FNDC1: variants seen among roughly 807,000 people sequenced by gnomAD.
FNDC1 encodes the protein fibronectin type III domain containing 1.
FNDC1 carries 96 observed loss-of-function variants against 168.0 expected under a neutral mutation model. The observed-to-expected ratio is 0.57, with a 90% CI of 0.48 to 0.68. FNDC1 has a LOEUF of 0.68. Among genes scored for constraint, FNDC1 ranks in the 30% least tolerant of loss-of-function variants. The pLI, the probability that FNDC1 is intolerant of heterozygous loss-of-function variation, is 0.00. For missense variants in FNDC1, 2,587 were observed against 2,482.1 expected (o/e 1.04, Z -0.90); for synonymous variants, 1,099 against 1,025.9 (o/e 1.07, Z -1.36).
At chr6:159,266,060 G>A (rs768375166) in intron 20 of FNDC1, 24 bp from the exon 21 acceptor site, 20 of 1,612,052 alleles carry the variant, frequency 1.2e-5, no homozygotes, top group African/African-American at 4.0e-5. Context: ...CTTACCCTTA[G>A]CAGGTGTGTT....
chr6:159,234,688 A>G (rs1409981405), intron 11 of FNDC1, among the ~76,000 whole-genome samples: 2 of 152,258 alleles, frequency 1.3e-5, no homozygotes, highest in Non-Finnish European at 2.9e-5. Context: ...GCTGCGGCTC[A>G]GGATCTGAGG....
rs1166366160 is a variant in FNDC1, at chr6:159,269,252, TCTATC to T, written c.5569+1327_5569+1331del. Among the ~76,000 whole-genome samples the T allele has an allele frequency of 2.7e-3, 321 of 118,734 alleles. 8 individuals carry two copies. Among genetic ancestry groups the T allele is most frequent in the African/African-American group, 0.01 (253 of 24,288 alleles). The allele number at this position is 118,734 out of a possible 152,430, so 77.9% of individuals were successfully genotyped here. A position where few individuals can be genotyped will look rare whatever the true frequency, so the allele number is the denominator to read the frequency against. On this transcript the variant is annotated intron_variant, in intron 22 of 22. Coordinates refer to ENST00000297267, the MANE Select transcript of FNDC1 (RefSeq NM_032532.3). Reference sequence around the variant, plus strand: ...ATCTATCTATCTATCTATCTATCCATCTATCATCTATCTATCTATCTATCTATCTA... The same window carrying T: ...ATCTATCTATCTATCTATCTATCCATATCTATCTATCTATCTATCTATCTA...
intron 4 of FNDC1, among the ~76,000 whole-genome samples, chr6:159,211,145 AT>A (rs1393623223): frequency 6.6e-6 from 1 of 152,168 alleles, no homozygotes; most frequent in African/African-American, 2.4e-5. Flanking sequence ...TAAGGTGGGT[AT>A]TTGAAGGCCT....
At chr6:159,186,809 T>C (rs1323097498) in intron 1 of FNDC1, among the ~76,000 whole-genome samples, 1 of 152,244 alleles carries the variant, frequency 6.6e-6, no homozygotes, top group East Asian at 1.9e-4. Context: ...TGGCCAATGT[T>C]TCCCCTTTGG....
At chr6:159,187,063 G>T (rs567553297) in intron 1 of FNDC1, among the ~76,000 whole-genome samples, 7 of 152,212 alleles carry the variant, frequency 4.6e-5, no homozygotes, top group Non-Finnish European at 1.0e-4. Flanking sequence ...CAGGAGTGCC[G>T]CTGGCTCCTC....
intron 5 of FNDC1, among the ~76,000 whole-genome samples, chr6:159,217,202 G>A (rs1368898265): frequency 6.6e-6 from 1 of 152,256 alleles, no homozygotes; most frequent in Non-Finnish European, 1.5e-5. Context: ...TAAAGGAGGA[G>A]AGGGGAGAGT....
intron 1 of FNDC1, among the ~76,000 whole-genome samples, chr6:159,181,569 C>T (rs372485992): frequency 6.6e-6 from 1 of 152,200 alleles, no homozygotes; most frequent in Admixed American, 6.5e-5. Context: ...ATAGGATCAT[C>T]TTGGACTTTC....
intron 12 of FNDC1, 146 bp downstream of exon 12, chr6:159,236,461 T>C: frequency 1.7e-6 from 1 of 603,536 alleles, no homozygotes; most frequent in Non-Finnish European, 2.9e-6. Flanking sequence ...GTATAGAGTT[T>C]ATTTTAATAC....
intron 4 of FNDC1, among the ~76,000 whole-genome samples, chr6:159,204,217 G>C (rs1485920185): frequency 6.6e-6 from 1 of 152,062 alleles, no homozygotes; most frequent in Non-Finnish European, 1.5e-5. Flanking sequence ...TCCTTATCTT[G>C]GTCACCCACT....
chr6:159,228,383 G>A (rs1483241712), intron 9 of FNDC1, among the ~76,000 whole-genome samples: 1 of 151,990 alleles, frequency 6.6e-6, no homozygotes, highest in African/African-American at 2.4e-5. Flanking sequence ...TTTTCCAGAT[G>A]GATTTAATTT....
At chr6:159,214,303 G>A (rs768008654) in intron 4 of FNDC1, among the ~76,000 whole-genome samples, 1 of 152,158 alleles carries the variant, frequency 6.6e-6, no homozygotes, top group Non-Finnish European at 1.5e-5. Context: ...TATAGTGAGG[G>A]CATTTCTTGA....
At chr6:159,249,914 C>T (rs1004606339) in intron 16 of FNDC1, among the ~76,000 whole-genome samples, 1 of 152,148 alleles carries the variant, frequency 6.6e-6, no homozygotes, top group Non-Finnish European at 1.5e-5. Flanking sequence ...TCTTGCTAGC[C>T]AAGATGTAGT....
chr6:159,235,039 A>G (rs1001523687), intron 11 of FNDC1, among the ~76,000 whole-genome samples: 1 of 152,244 alleles, frequency 6.6e-6, no homozygotes, highest in African/African-American at 2.4e-5. Context: ...ACAAACTCAG[A>G]TATCTTGGGT....
intron 4 of FNDC1, among the ~76,000 whole-genome samples, chr6:159,201,939 C>A (rs1042986295): frequency 6.6e-6 from 1 of 152,206 alleles, no homozygotes; most frequent in Admixed American, 6.5e-5. Context: ...TTCTTATGCC[C>A]TCTTTAATAG....
chr6:159,226,690 A>C, intron 9 of FNDC1, 110 bp downstream of exon 9: 3 of 770,334 alleles, frequency 3.9e-6, no homozygotes, highest in Non-Finnish European at 6.1e-6. Context: ...TATGTCTAAG[A>C]GGTGCTCACC....
At chr6:159,217,730 T>C (rs1782736333) in intron 5 of FNDC1, among the ~76,000 whole-genome samples, 1 of 152,098 alleles carries the variant, frequency 6.6e-6, no homozygotes, top group African/African-American at 2.4e-5. Flanking sequence ...AGGCGCAGCG[T>C]CAAAGCCAGC....
intron 1 of FNDC1, among the ~76,000 whole-genome samples, chr6:159,171,947 C>A (rs1430133299): frequency 1.3e-5 from 2 of 152,110 alleles, no homozygotes; most frequent in Non-Finnish European, 2.9e-5. Flanking sequence ...GACATTTGCA[C>A]TGAGGGTGCA....
At chr6:159,195,575 T>C (rs958140056) in intron 1 of FNDC1, among the ~76,000 whole-genome samples, 2 of 152,164 alleles carry the variant, frequency 1.3e-5, no homozygotes, top group African/African-American at 4.8e-5. Flanking sequence ...AAAGCCATGT[T>C]TGTAGTTGGC....
rs755587981 is a variant in FNDC1 at position 159,225,178 on chromosome 6, G to GACACACACACAC, written c.885-352_885-341dup. Among the ~76,000 whole-genome samples the GACACACACACAC allele has an allele frequency of 6.1e-4, 90 of 146,416 alleles. 3 individuals are homozygous for GACACACACACAC. In the East Asian group the frequency reaches 0.017, roughly 28 times the overall value. ...AGTGCCTTGAGTAGACACAAATACA[G>GACACACACACAC]ACACACACACACACACGCACAGTCA... On this transcript the variant is annotated intron_variant, in intron 7 of 22. Coordinates refer to ENST00000297267, the MANE Select transcript of FNDC1 (RefSeq NM_032532.3).
Sources: gnomAD v4.1 joint callset for allele counts (sites outside exome capture counted in the v4.1 genomes callset) on GRCh38, gnomAD v4.1.1 for gene constraint, MANE v1.5 for transcripts, NCBI Gene and HGNC (gene_info 2026-07-23, HGNC 2026-07-21) for gene names.